Variants in CASTOR2 observed in about 807,000 individuals in gnomAD.
CASTOR2 encodes the protein cytosolic arginine sensor for mTORC1 subunit 2, also known as GATS protein like 2.
CASTOR2 carries 8 observed loss-of-function variants against 31.2 expected under a neutral mutation model. The ratio of observed to expected loss-of-function variants is 0.26; its 90% CI spans 0.15 to 0.46. The LOEUF is 0.46. CASTOR2 is among the 20% of genes least tolerant of loss of function. The pLI is 0.99. For synonymous variants in CASTOR2, 162 were observed against 158.7 expected, an observed-to-expected ratio of 1.02 and a Z score of -0.16; for missense variants, 216 against 382.1, an observed-to-expected ratio of 0.57 and a Z score of 3.62.
intron 2 of CASTOR2, among the ~76,000 whole-genome samples, chr7:75,009,361 A>T (rs1361281960): frequency 1.7e-5 from 2 of 120,928 alleles, no homozygotes; most frequent in Non-Finnish European, 3.2e-5. Context: ...TCCGCCTCCC[A>T]GGTTCACACC....
chr7:75,020,140 C>A lies in CASTOR2; in HGVS notation c.737C>A (p.Thr246Lys). Residue 246 changes from threonine to lysine, a missense_variant, in exon 6 of 9, where the codon ACG (threonine) becomes AAG (lysine). Thr to Lys is a moderately conservative substitution (Grantham distance 78). Transcript: ENST00000616305. Reference sequence around the variant, plus strand: ...ATCTCCCTGGTGATGGACGTGCAGACGCAGCAGAGGTGAGCCAGGCCCTGG... The same window carrying A: ...ATCTCCCTGGTGATGGACGTGCAGAAGCAGCAGAGGTGAGCCAGGCCCTGG... Reference protein sequence around the residue: ...GYISLVMDVQTQQRFPSNLLF... With the variant: ...GYISLVMDVQKQQRFPSNLLF... 1 of 1,551,476 alleles carries A rather than the reference C, an allele frequency of 6.4e-7. No individual in the cohort carries two copies. The highest frequency in any genetic ancestry group is 2.0e-5 in the Admixed American group (1 of 51,004).
At position 75,030,125 on chromosome 7, in the gene CASTOR2, T is replaced by C. The variant is rs1394843666; in HGVS notation, c.*5426T>C. Reference sequence around the variant, plus strand: ...GGCCGAGAGAGCTTGTGGCTGTCACTATAAGGGAAGAGGAGCTATGGAAAT... The same window carrying C: ...GGCCGAGAGAGCTTGTGGCTGTCACCATAAGGGAAGAGGAGCTATGGAAAT... On this transcript the variant is annotated 3_prime_UTR_variant, in exon 9 of 9. Transcript: ENST00000616305. Among the ~76,000 whole-genome samples, 1 of 152,160 alleles carries C rather than the reference T, an allele frequency of 6.6e-6. No homozygotes were observed. The highest frequency in any genetic ancestry group is 1.5e-5 in the Non-Finnish European group (1 of 68,038).
chr7:75,007,934 A>G (rs1177153944), intron 1 of CASTOR2, 60 bp from the exon 2 acceptor site: 13 of 1,612,866 alleles, frequency 8.1e-6, no homozygotes, highest in Non-Finnish European at 1.0e-5. Flanking sequence ...ACGGGTGGGC[A>G]GCTGCCCCAG....
chr7:74,975,926 A>T (rs1170644155), intron 1 of CASTOR2, among the ~76,000 whole-genome samples: 1 of 148,422 alleles, frequency 6.7e-6, no homozygotes, highest in African/African-American at 2.5e-5. Flanking sequence ...GGAGAGGCCC[A>T]TATGGAGAGG....
intron 1 of CASTOR2, among the ~76,000 whole-genome samples, chr7:74,986,382 T>A (rs1177550506): frequency 2.6e-5 from 4 of 150,958 alleles, no homozygotes; most frequent in East Asian, 3.9e-4. Flanking sequence ...TCCCAGCTAC[T>A]CGGGAGGCTG....
intron 1 of CASTOR2, among the ~76,000 whole-genome samples, chr7:74,969,309 G>T (rs1432941856): frequency 2.7e-5 from 3 of 112,236 alleles, no homozygotes; most frequent in African/African-American, 1.1e-4. Flanking sequence ...TGGAGATAGG[G>T]TCTTCTTCTG....
rs1360482708 is a variant in CASTOR2 at position 75,024,553 on chromosome 7, A to T, written c.924+19A>T. 1.9e-5 allele frequency: 30 copies of T among 1,551,238 alleles called. No individual in the cohort carries two copies. The highest frequency in any genetic ancestry group is 2.5e-5 in the Non-Finnish European group (29 of 1,146,776). ...TGCACTTGTGAGTGTCCAGCGCCAG[A>T]CCCCTCCAGGGCAGGGCCGGGGTGG... On this transcript the variant is annotated intron_variant, in intron 8 of 8. Transcript: ENST00000616305.
intron 2 of CASTOR2, among the ~76,000 whole-genome samples, chr7:75,017,283 C>T (rs1354387369): frequency 1.3e-5 from 2 of 151,944 alleles, no homozygotes; most frequent in African/African-American, 4.8e-5. Flanking sequence ...CCTGTCTCTA[C>T]TAAAAATACA....
chr7:75,004,796 G>A (rs1384630410), intron 1 of CASTOR2, among the ~76,000 whole-genome samples: 1 of 151,986 alleles, frequency 6.6e-6, no homozygotes, highest in Non-Finnish European at 1.5e-5. Context: ...TACATACAGC[G>A]TAATTCACAA....
At position 75,008,178 on chromosome 7, in the gene CASTOR2, C is replaced by T; in HGVS notation, c.184+114C>T. On this transcript the variant is annotated intron_variant, in intron 2 of 8. Coordinates refer to ENST00000616305, the MANE Select transcript of CASTOR2 (RefSeq NM_001145064.3). The stretch of plus-strand genomic sequence containing the variant: ...CCTCCTTATTTCTGCCCCCACCTAC[C>T]TCCTTACTTCTGCCCTCATCTGCTG... The T allele has an allele frequency of 3.9e-6, 5 of 1,290,868 alleles. No individual in the cohort carries two copies. In the South Asian group the frequency reaches 4.9e-5, roughly 13 times the overall value. The allele number at this position is 1,290,868 out of a possible 1,614,324, so 80.0% of individuals were successfully genotyped here. A position where few individuals can be genotyped will look rare whatever the true frequency, so the allele number is the denominator to read the frequency against.
At chr7:74,986,548 T>G (rs1169976536) in intron 1 of CASTOR2, among the ~76,000 whole-genome samples, 1 of 151,802 alleles carries the variant, frequency 6.6e-6, no homozygotes, top group African/African-American at 2.4e-5. Flanking sequence ...GGTCTCAGTG[T>G]TGCAGAAGGT....
At chr7:74,985,114 GTGACAGAGTGAGACCC>G (rs1804032098) in intron 1 of CASTOR2, among the ~76,000 whole-genome samples, 1 of 152,134 alleles carries the variant, frequency 6.6e-6, no homozygotes, top group African/African-American at 2.4e-5. Context: ...TCCATCCTGG[GTGACAGAGTGAGACCC>G]TGTCTCAATA....
At chr7:75,003,293 A>T (rs1341326255) in intron 1 of CASTOR2, among the ~76,000 whole-genome samples, 1 of 152,080 alleles carries the variant, frequency 6.6e-6, no homozygotes, top group Non-Finnish European at 1.5e-5. Context: ...CAAAAAATAA[A>T]AAATTAGCCG....
chr7:74,971,181 G>A (rs1436035126), intron 1 of CASTOR2, among the ~76,000 whole-genome samples: 1 of 131,604 alleles, frequency 7.6e-6, no homozygotes, highest in East Asian at 2.3e-4. Context: ...TTTTAGTAGA[G>A]ACGGGGTTTA....
chr7:74,975,691 CAA>C (rs1178211684), intron 1 of CASTOR2, among the ~76,000 whole-genome samples: 4 of 67,510 alleles, frequency 5.9e-5, no homozygotes, highest in Non-Finnish European at 9.0e-5. Flanking sequence ...GACTCCATGT[CAA>C]AAAAAAAAAA....
chr7:75,022,603 G>C (rs1166492030), intron 7 of CASTOR2, among the ~76,000 whole-genome samples: 1 of 151,552 alleles, frequency 6.6e-6, no homozygotes, highest in Non-Finnish European at 1.5e-5. Flanking sequence ...AGGAGTACCA[G>C]CCTGGCCAAT....
chr7:75,021,744 G>C, intron 6 of CASTOR2, 130 bp from the exon 7 acceptor site: 6 of 1,094,880 alleles, frequency 5.5e-6, no homozygotes, highest in Non-Finnish European at 5.5e-6. Flanking sequence ...GATTGTTTTT[G>C]GGGGGCCCTG....
rs928078160 is a variant in CASTOR2, at chr7:75,029,192, C to A, written c.*4493C>A. On this transcript the variant is annotated 3_prime_UTR_variant, in exon 9 of 9. Transcript: ENST00000616305. ...TGAACACAGGCCACCTCCCACTGGC[C>A]CCCTCCTCCTGGCCACATTTTCCAG... Among the ~76,000 whole-genome samples, 5 of 152,130 alleles carry A rather than the reference C, an allele frequency of 3.3e-5. No individual in the cohort carries two copies. Among genetic ancestry groups the A allele is most frequent in the African/African-American group, 9.7e-5 (4 of 41,438 alleles).
chr7:74,995,220 A>C (rs1321802851), intron 1 of CASTOR2, among the ~76,000 whole-genome samples: 1 of 152,046 alleles, frequency 6.6e-6, no homozygotes, highest in African/African-American at 2.4e-5. Context: ...TTTTTAGGAC[A>C]TAAGAAACTT....
Sources: allele counts gnomAD v4.1 joint callset (sites outside exome capture counted in the v4.1 genomes callset), GRCh38; gene constraint gnomAD v4.1.1; transcripts MANE v1.5; gene names NCBI Gene and HGNC (gene_info 2026-07-23, HGNC 2026-07-21).